Variants in LHPP observed in about 807,000 individuals in gnomAD.
LHPP encodes phospholysine phosphohistidine inorganic pyrophosphate phosphatase.
In LHPP, 24 loss-of-function variants were observed where a neutral mutation model predicts 30.3. The ratio of observed to expected loss-of-function variants is 0.79; its 90% CI spans 0.57 to 1.11. LHPP has a LOEUF of 1.11. LHPP is among the 50% of genes most tolerant of loss of function. The pLI is 0.00. For synonymous variants in LHPP, 150 were observed against 157.1 expected, an observed-to-expected ratio of 0.95 and a Z score of 0.34; for missense variants, 356 against 367.2, an observed-to-expected ratio of 0.97 and a Z score of 0.25.
intron 6 of LHPP, among the ~76,000 whole-genome samples, chr10:124,554,573 C>T (rs1948257136): frequency 6.6e-6 from 1 of 152,236 alleles, no homozygotes; most frequent in Non-Finnish European, 1.5e-5. Context: ...GGTGCAGAGC[C>T]ACTGCTTCAT....
At chr10:124,513,805 A>G (rs1954379256) in intron 5 of LHPP, among the ~76,000 whole-genome samples, 1 of 149,424 alleles carries the variant, frequency 6.7e-6, no homozygotes, top group Non-Finnish European at 1.5e-5. Flanking sequence ...AAAAAAAAAG[A>G]GCATGAGTCC....
intron 6 of LHPP, among the ~76,000 whole-genome samples, chr10:124,574,012 G>C (rs1042004194): frequency 1.3e-5 from 2 of 152,118 alleles, no homozygotes; most frequent in Non-Finnish European, 2.9e-5. Context: ...TGCCCCACAG[G>C]TGTCACCCAT....
At chr10:124,557,282 C>T (rs927825706) in intron 6 of LHPP, among the ~76,000 whole-genome samples, 1 of 152,208 alleles carries the variant, frequency 6.6e-6, no homozygotes, top group African/African-American at 2.4e-5. Flanking sequence ...AGTAGGCAGA[C>T]CTGGTTTTGA....
chr10:124,544,239 A>C (rs55730251), intron 6 of LHPP, among the ~76,000 whole-genome samples: 14,367 of 150,288 alleles, frequency 0.096, 1,078 homozygotes, highest in African/African-American at 0.2. Context: ...CCATGCAGTC[A>C]TGCTGGGTCC....
chr10:124,579,869 G>A (rs1408905658), intron 6 of LHPP, among the ~76,000 whole-genome samples: 1 of 145,158 alleles, frequency 6.9e-6, no homozygotes, highest in Non-Finnish European at 1.5e-5. Context: ...AAGTGGACGT[G>A]CCATTTCTGT....
chr10:124,586,910 T>C (rs568236905), intron 6 of LHPP, among the ~76,000 whole-genome samples: 1 of 152,210 alleles, frequency 6.6e-6, no homozygotes, highest in African/African-American at 2.4e-5. Context: ...TATGTGTGCA[T>C]AGAAATCATC....
At chr10:124,588,965 C>A (rs534207229) in intron 6 of LHPP, among the ~76,000 whole-genome samples, 1 of 152,194 alleles carries the variant, frequency 6.6e-6, no homozygotes, top group East Asian at 1.9e-4. Flanking sequence ...CGGTGCAGCG[C>A]GGTTATTTAT....
chr10:124,508,274 T>G (rs924855107), intron 5 of LHPP, among the ~76,000 whole-genome samples: 6 of 152,176 alleles, frequency 3.9e-5, no homozygotes, highest in African/African-American at 1.4e-4. Flanking sequence ...GGCATTTTCT[T>G]TGGATTGTCA....
intron 6 of LHPP, among the ~76,000 whole-genome samples, chr10:124,608,775 A>G (rs754721459): frequency 1.1e-4 from 17 of 152,254 alleles, no homozygotes; most frequent in Non-Finnish European, 1.6e-4. Flanking sequence ...TGCTGAGAGA[A>G]GCCTGTCATC....
chr10:124,550,537 T>C (rs948069541), intron 6 of LHPP, among the ~76,000 whole-genome samples: 1 of 152,170 alleles, frequency 6.6e-6, no homozygotes, highest in Non-Finnish European at 1.5e-5. Flanking sequence ...CCGGGTGGTG[T>C]GGCTGCAGTG....
In LHPP at chr10:124,488,579, A is replaced by G; in HGVS notation, c.467+4A>G. 1 of 1,606,848 alleles carries G rather than the reference A, an allele frequency of 6.2e-7. No individual in the cohort carries two copies. The highest frequency in any genetic ancestry group is 1.3e-5 in the African/African-American group (1 of 74,270). On this transcript the variant is annotated splice_donor_region_variant and intron_variant, in intron 3 of 6. Coordinates refer to ENST00000368842, the MANE Select transcript of LHPP (RefSeq NM_022126.4). ...TGCTCATATCACTGGGAAAAGGGTAAGTTGGCTCCAGGGAGAGTCATTTCT... is the reference window on the plus strand; with the variant it reads ...TGCTCATATCACTGGGAAAAGGGTAGGTTGGCTCCAGGGAGAGTCATTTCT...
At chr10:124,594,691 T>C (rs1241963165) in intron 6 of LHPP, among the ~76,000 whole-genome samples, 3 of 151,544 alleles carry the variant, frequency 2.0e-5, no homozygotes, top group Admixed American at 2.0e-4. Flanking sequence ...AATGCAGTGG[T>C]GTGATCTCAG....
intron 6 of LHPP, chr10:124,613,049 T>G: frequency 1.7e-6 from 1 of 579,318 alleles, no homozygotes; most frequent in East Asian, 2.9e-5. Flanking sequence ...TTTGGGGAGG[T>G]GTCCAGGTTG....
At chr10:124,529,185 C>A (rs567976587) in intron 6 of LHPP, among the ~76,000 whole-genome samples, 1 of 151,740 alleles carries the variant, frequency 6.6e-6, no homozygotes, top group South Asian at 2.1e-4. Context: ...GCACCCACCA[C>A]TACCATGCCC....
chr10:124,520,257 C>A (rs1954577218), intron 6 of LHPP, among the ~76,000 whole-genome samples: 1 of 151,988 alleles, frequency 6.6e-6, no homozygotes, highest in South Asian at 2.1e-4. Flanking sequence ...ACCTAGTACC[C>A]ATTAGTTATT....
intron 6 of LHPP, among the ~76,000 whole-genome samples, chr10:124,529,022 GATTCTTTTTT>G (rs1564811793): frequency 7.8e-6 from 1 of 127,516 alleles, no homozygotes; most frequent in East Asian, 2.4e-4. Flanking sequence ...GAATTTGGGG[GATTCTTTTTT>G]TTTTTTTTTT....
chr10:124,501,451 C>T (rs1358235545), intron 5 of LHPP, among the ~76,000 whole-genome samples: 1 of 151,184 alleles, frequency 6.6e-6, no homozygotes, highest in Non-Finnish European at 1.5e-5. Flanking sequence ...AAAATACAAA[C>T]ATTAGCCAGA....
intron 2 of LHPP, among the ~76,000 whole-genome samples, chr10:124,485,260 A>G (rs551324901): frequency 6.6e-6 from 1 of 152,262 alleles, no homozygotes; most frequent in South Asian, 2.1e-4. Flanking sequence ...TGGTCTTCAA[A>G]GAAAGAAGAT....
At chr10:124,480,758 A>G (rs1953098221) in intron 1 of LHPP, among the ~76,000 whole-genome samples, 1 of 152,278 alleles carries the variant, frequency 6.6e-6, no homozygotes, top group African/African-American at 2.4e-5. Context: ...ATTAGGAAAG[A>G]CAAATAATAA....
Sources: allele counts gnomAD v4.1 joint callset (sites outside exome capture counted in the v4.1 genomes callset), GRCh38; gene constraint gnomAD v4.1.1; transcripts MANE v1.5; gene names NCBI Gene and HGNC (gene_info 2026-07-23, HGNC 2026-07-21).